CTNNBL1: variants seen among roughly 807,000 people sequenced by gnomAD.
CTNNBL1 encodes catenin beta like 1, also known as beta-catenin-like protein 1.
Under a neutral mutation model 72.7 loss-of-function variants are expected in CTNNBL1, and 31 were observed. That is an observed-to-expected ratio of 0.43 (90% CI 0.32 to 0.58). The LOEUF is 0.58. CTNNBL1 is among the 20% of genes least tolerant of loss of function. CTNNBL1 has a pLI of 0.08. For missense variants in CTNNBL1, 534 were observed against 725.1 expected, an observed-to-expected ratio of 0.74 and a Z score of 3.03; for synonymous variants, 240 against 267.3, an observed-to-expected ratio of 0.90 and a Z score of 1.00.
intron 11 of CTNNBL1, among the ~76,000 whole-genome samples, chr20:37,809,004 C>G (rs2071985303): frequency 6.6e-6 from 1 of 151,960 alleles, no homozygotes; most frequent in Non-Finnish European, 1.5e-5. Flanking sequence ...TGAACCAGTC[C>G]TTTTCATTGC....
At chr20:37,769,720 GGC>G (rs2073505882) in intron 7 of CTNNBL1, among the ~76,000 whole-genome samples, 1 of 152,196 alleles carries the variant, frequency 6.6e-6, no homozygotes, top group African/African-American at 2.4e-5. Flanking sequence ...CCCTCAGGCA[GGC>G]AAGGATCCTA....
rs151147230 is a variant in CTNNBL1 at position 37,860,519 on chromosome 20, C to G, written c.1603+175C>G. On this transcript the variant is annotated intron_variant, in intron 15 of 15. Coordinates refer to ENST00000361383, the MANE Select transcript of CTNNBL1 (RefSeq NM_030877.5). ...TCTTTGTCAGAATACGGAAGACTAG[C>G]CTTGTTGTTCTCTGCCTCTTACCCT... Among the ~76,000 whole-genome samples the G allele has an allele frequency of 1.1e-3, 169 of 152,304 alleles. No individual in the cohort carries two copies. In the East Asian group the frequency reaches 0.016, roughly 15 times the overall value.
At chr20:37,730,164 G>A (rs2073117603) in intron 1 of CTNNBL1, among the ~76,000 whole-genome samples, 1 of 152,218 alleles carries the variant, frequency 6.6e-6, no homozygotes, top group Non-Finnish European at 1.5e-5. Context: ...CAAGTCAAAA[G>A]GGGAGATGTG....
chr20:37,791,817 C>T (rs1490464547), intron 10 of CTNNBL1, among the ~76,000 whole-genome samples: 1 of 152,178 alleles, frequency 6.6e-6, no homozygotes, highest in Non-Finnish European at 1.5e-5. Flanking sequence ...GGAACAGTTT[C>T]ATCCTGAAAT....
intron 13 of CTNNBL1, among the ~76,000 whole-genome samples, chr20:37,851,827 G>A (rs1361136861): frequency 6.6e-6 from 1 of 152,210 alleles, no homozygotes; most frequent in African/African-American, 2.4e-5. Flanking sequence ...CTATTGTTAG[G>A]ATTCGGTTTT....
intron 10 of CTNNBL1, among the ~76,000 whole-genome samples, chr20:37,798,950 T>C (rs2073801213): frequency 6.6e-6 from 1 of 152,182 alleles, no homozygotes; most frequent in Admixed American, 6.5e-5. Flanking sequence ...AATTCAAGCT[T>C]GTAAGATGCT....
At chr20:37,812,462 A>G (rs2072020921) in intron 11 of CTNNBL1, among the ~76,000 whole-genome samples, 1 of 152,188 alleles carries the variant, frequency 6.6e-6, no homozygotes, top group Non-Finnish European at 1.5e-5. Context: ...ATGATGGCAT[A>G]TTACCCTGGA....
intron 12 of CTNNBL1, among the ~76,000 whole-genome samples, chr20:37,841,765 C>T (rs954718801): frequency 1.3e-5 from 2 of 152,148 alleles, no homozygotes; most frequent in African/African-American, 4.8e-5. Context: ...TGACTTTGCT[C>T]AACTTAAAAC....
intron 2 of CTNNBL1, among the ~76,000 whole-genome samples, chr20:37,735,004 T>G (rs1344312997): frequency 6.6e-6 from 1 of 152,270 alleles, no homozygotes; most frequent in Admixed American, 6.5e-5. Context: ...TGAGCTTACT[T>G]GAAAGTGATT....
intron 13 of CTNNBL1, among the ~76,000 whole-genome samples, chr20:37,855,542 G>T (rs1024003468): frequency 1.3e-5 from 2 of 152,178 alleles, no homozygotes; most frequent in African/African-American, 4.8e-5. Flanking sequence ...GTGGGTAAAT[G>T]AATGAGTTCC....
In CTNNBL1 at chr20:37,734,401, T is replaced by G. The variant is rs1332040650; in HGVS notation, c.219+1334T>G. Among the ~76,000 whole-genome samples, 3 of 152,128 alleles carry G rather than the reference T, an allele frequency of 2.0e-5. No individual in the cohort carries two copies. In the East Asian group the frequency reaches 5.8e-4, roughly 29 times the overall value. ...TGTGTGTAGCACATCCTCCCTCCCT[T>G]CCCTCCTCACCAGCTTCTGCTCAAT... On this transcript the variant is annotated intron_variant, in intron 2 of 15. Transcript: ENST00000361383.
intron 1 of CTNNBL1, among the ~76,000 whole-genome samples, chr20:37,699,992 G>A (rs917996292): frequency 4.6e-5 from 7 of 152,128 alleles, no homozygotes; most frequent in Non-Finnish European, 7.4e-5. Context: ...GATTAAGTAC[G>A]CGACTCTCTC....
intron 1 of CTNNBL1, among the ~76,000 whole-genome samples, chr20:37,731,887 T>C (rs188243824): frequency 6.6e-6 from 1 of 152,314 alleles, no homozygotes; most frequent in East Asian, 1.9e-4. Flanking sequence ...AGGGCAGATA[T>C]CTTCTCAGCA....
intron 5 of CTNNBL1, among the ~76,000 whole-genome samples, chr20:37,758,798 A>G (rs994627823): frequency 6.6e-6 from 1 of 152,184 alleles, no homozygotes; most frequent in Non-Finnish European, 1.5e-5. Flanking sequence ...TACTCCAGCC[A>G]CTAGTATTAG....
At chr20:37,787,371 G>A (rs2073686022) in intron 10 of CTNNBL1, among the ~76,000 whole-genome samples, 1 of 132,648 alleles carries the variant, frequency 7.5e-6, no homozygotes, top group Non-Finnish European at 1.6e-5. Flanking sequence ...TTGAGACGGA[G>A]TCTCGCTCTG....
At chr20:37,820,541 TA>T (rs2072097542) in intron 11 of CTNNBL1, among the ~76,000 whole-genome samples, 2 of 152,204 alleles carry the variant, frequency 1.3e-5, no homozygotes, top group Non-Finnish European at 2.9e-5. Context: ...AATTCTCACA[TA>T]TCCAGAAAGG....
intron 5 of CTNNBL1, among the ~76,000 whole-genome samples, chr20:37,758,921 C>T (rs2073389952): frequency 1.3e-5 from 2 of 152,242 alleles, no homozygotes; most frequent in South Asian, 2.1e-4. Flanking sequence ...CTACACTGCC[C>T]ACCCCCTCCT....
At chr20:37,747,496 G>C (rs2073277380) in intron 4 of CTNNBL1, among the ~76,000 whole-genome samples, 1 of 150,510 alleles carries the variant, frequency 6.6e-6, no homozygotes, top group Non-Finnish European at 1.5e-5. Context: ...CCGCATTTTT[G>C]TGTGAAAGAC....
chr20:37,768,770 T>C (rs1036862721), intron 7 of CTNNBL1, among the ~76,000 whole-genome samples: 3 of 152,208 alleles, frequency 2.0e-5, no homozygotes, highest in Admixed American at 2.0e-4. Context: ...GAAACTTTTT[T>C]TTGTTTTTTT....
Sources: gnomAD v4.1 joint callset for allele counts (sites outside exome capture counted in the v4.1 genomes callset) on GRCh38, gnomAD v4.1.1 for gene constraint, MANE v1.5 for transcripts, NCBI Gene and HGNC (gene_info 2026-07-23, HGNC 2026-07-21) for gene names.